NAALADL2: variants seen among roughly 807,000 people sequenced by gnomAD.
NAALADL2 encodes N-acetylated alpha-linked acidic dipeptidase like 2.
In NAALADL2, 76 loss-of-function variants were observed where a neutral mutation model predicts 87.2. That is an observed-to-expected ratio of 0.87 (90% CI 0.72 to 1.05). The LOEUF is 1.05. Ranked by LOEUF, NAALADL2 falls within the 50% of genes least tolerant of loss-of-function variation. The pLI is 0.00. For missense variants in NAALADL2, 1,089 were observed against 945.8 expected, an observed-to-expected ratio of 1.15 and a Z score of -1.99; for synonymous variants, 354 against 331.0, an observed-to-expected ratio of 1.07 and a Z score of -0.75.
intron 9 of NAALADL2, among the ~76,000 whole-genome samples, chr3:175,488,864 A>G (rs1342371865): frequency 6.6e-6 from 1 of 152,216 alleles, no homozygotes; most frequent in Non-Finnish European, 1.5e-5. Flanking sequence ...GAATAACACT[A>G]TCACTGGTTA....
chr3:174,969,113 A>C (rs531642638), intron 1 of NAALADL2, among the ~76,000 whole-genome samples: 1 of 152,272 alleles, frequency 6.6e-6, no homozygotes, highest in South Asian at 2.1e-4. Flanking sequence ...CTAAGCCTCA[A>C]ATTCTTTTTA....
chr3:174,825,708 C>T (rs1195911460), intron 3 of NAALADL2, among the ~76,000 whole-genome samples: 3 of 152,160 alleles, frequency 2.0e-5, no homozygotes, highest in Non-Finnish European at 2.9e-5. Context: ...CTCAAATTTT[C>T]GCTGTTTAAT....
intron 11 of NAALADL2, among the ~76,000 whole-genome samples, chr3:175,701,525 A>G: frequency 6.6e-6 from 1 of 152,148 alleles, no homozygotes. Flanking sequence ...TTACCAAAAA[A>G]TGGCATGCCT....
intron 6 of NAALADL2, among the ~76,000 whole-genome samples, chr3:175,462,756 TG>T (rs1193099842): frequency 6.6e-6 from 1 of 152,154 alleles, no homozygotes; most frequent in Non-Finnish European, 1.5e-5. Context: ...TTGCCTTATT[TG>T]CAAAATTTTT....
intron 3 of NAALADL2, among the ~76,000 whole-genome samples, chr3:174,771,345 G>A (rs1453646210): frequency 6.6e-6 from 1 of 152,150 alleles, no homozygotes; most frequent in African/African-American, 2.4e-5. Context: ...GATCACAGAA[G>A]TATATATTGA....
intron 3 of NAALADL2, among the ~76,000 whole-genome samples, chr3:174,804,121 T>A (rs1002143752): frequency 6.6e-5 from 10 of 152,162 alleles, no homozygotes; most frequent in Non-Finnish European, 1.5e-5. Context: ...TTCTTCCATT[T>A]GTTTGTGTCC....
chr3:175,455,263 C>A (rs1172162494), intron 6 of NAALADL2, among the ~76,000 whole-genome samples: 2 of 151,980 alleles, frequency 1.3e-5, no homozygotes, highest in African/African-American at 2.4e-5. Flanking sequence ...AATAAAAGAA[C>A]CAGGTAGATG....
chr3:174,794,093 C>T (rs1290551166), intron 3 of NAALADL2, among the ~76,000 whole-genome samples: 1 of 151,926 alleles, frequency 6.6e-6, no homozygotes, highest in Non-Finnish European at 1.5e-5. Context: ...TAGCAAGAAA[C>T]CCAGTTTTTA....
intron 1 of NAALADL2, among the ~76,000 whole-genome samples, chr3:175,017,833 C>T (rs772649674): frequency 3.9e-5 from 6 of 152,164 alleles, no homozygotes; most frequent in South Asian, 2.1e-4. Flanking sequence ...CAGATTAGGG[C>T]GTTGGCCAGT....
In NAALADL2 at chr3:175,589,879, A is replaced by G. The variant is rs1349853907; in HGVS notation, c.1800+13692A>G. Among the ~76,000 whole-genome samples the G allele has an allele frequency of 3.9e-5, 6 of 151,908 alleles. No homozygotes were observed. In the East Asian group the frequency reaches 1.2e-3, roughly 29 times the overall value. ...GTGGCAGAGCATGAGAGTACTGTTT[A>G]AAGTCAGCTTGCCAAAAATGTGCCT... On this transcript the variant is annotated intron_variant, in intron 10 of 13. Transcript: ENST00000454872.
At position 175,608,955 on chromosome 3, in the gene NAALADL2, C is replaced by CCT. The variant is rs76922003; in HGVS notation, c.1801-18336_1801-18335insCT. ...ACTATTCTGAGCTATCACCATAAAA[C>CCT]ATACCAAAGAGATAATCGTCTTGAT... On this transcript the variant is annotated intron_variant, in intron 10 of 13. Transcript: ENST00000454872. Among the ~76,000 whole-genome samples, 4 of 151,718 alleles carry CCT rather than the reference C, an allele frequency of 2.6e-5. No individual in the cohort carries two copies. The East Asian group carries it at 7.7e-4, about 29-fold the overall frequency.
chr3:175,543,298 T>A (rs1016342919), intron 9 of NAALADL2, among the ~76,000 whole-genome samples: 4 of 152,060 alleles, frequency 2.6e-5, no homozygotes, highest in Non-Finnish European at 5.9e-5. Flanking sequence ...TAAAATTAAG[T>A]GTTTTAGACC....
chr3:175,219,941 T>C (rs10936828), intron 2 of NAALADL2, among the ~76,000 whole-genome samples: 5 of 151,158 alleles, frequency 3.3e-5, no homozygotes, highest in African/African-American at 1.2e-4. Context: ...ATATTTTTTC[T>C]TAAAATTTTA....
intron 1 of NAALADL2, among the ~76,000 whole-genome samples, chr3:174,925,415 G>C (rs932871176): frequency 2.6e-5 from 4 of 152,176 alleles, no homozygotes; most frequent in African/African-American, 7.2e-5. Context: ...GCTCTGTTCT[G>C]TTCTACTGGT....
intron 4 of NAALADL2, among the ~76,000 whole-genome samples, chr3:175,303,896 A>G (rs112918569): frequency 6.6e-6 from 1 of 152,308 alleles, no homozygotes; most frequent in East Asian, 1.9e-4. Context: ...AGCCAATAGG[A>G]CAGCAGTGGA....
At chr3:175,505,281 A>G (rs62928260) in intron 9 of NAALADL2, among the ~76,000 whole-genome samples, 2 of 148,082 alleles carry the variant, frequency 1.4e-5, no homozygotes, top group African/African-American at 5.1e-5. Flanking sequence ...AAAAAAAAAA[A>G]GAGTCTGCCT....
At chr3:174,963,495 A>G (rs1742426210) in intron 1 of NAALADL2, among the ~76,000 whole-genome samples, 1 of 152,110 alleles carries the variant, frequency 6.6e-6, no homozygotes, top group African/African-American at 2.4e-5. Context: ...GGAAAACCTT[A>G]TAGTAACTAG....
intron 3 of NAALADL2, among the ~76,000 whole-genome samples, chr3:174,797,292 G>GTTTTTTTTTTTTTTTTT (rs1468962061): frequency 9.1e-6 from 1 of 109,660 alleles, no homozygotes; most frequent in African/African-American, 3.8e-5. Flanking sequence ...TTTTTCTTTT[G>GTTTTTTTTTTTTTTTTT]TTTTTCTTTT....
intron 11 of NAALADL2, among the ~76,000 whole-genome samples, chr3:175,701,014 A>C (rs911551969): frequency 6.6e-6 from 1 of 152,126 alleles, no homozygotes; most frequent in African/African-American, 2.4e-5. Flanking sequence ...ATAAATGAAG[A>C]CCACCCAAAT....
Sources: allele counts gnomAD v4.1 joint callset (sites outside exome capture counted in the v4.1 genomes callset), GRCh38; gene constraint gnomAD v4.1.1; transcripts MANE v1.5; gene names NCBI Gene and HGNC (gene_info 2026-07-23, HGNC 2026-07-21).